AVEN: variants seen among roughly 807,000 people sequenced by gnomAD.
AVEN encodes the protein apoptosis and caspase activation inhibitor, also known as cell death regulator Aven.
A neutral mutation model predicts 38.1 loss-of-function variants in AVEN; 41 were observed. The observed-to-expected ratio is 1.08, with a 90% CI of 0.84 to 1.40. The LOEUF is 1.40. AVEN is among the 40% of genes most tolerant of loss of function. The pLI is 0.00. For missense variants in AVEN, 605 were observed against 438.8 expected (o/e 1.38, Z -3.38); for synonymous variants, 206 against 171.8 (o/e 1.20, Z -1.56).
At chr15:33,992,359 C>T (rs936583139) in intron 2 of AVEN, among the ~76,000 whole-genome samples, 1 of 151,714 alleles carries the variant, frequency 6.6e-6, no homozygotes, top group East Asian at 1.9e-4. Flanking sequence ...CACTGCACTC[C>T]AGCCTGCGCG....
At chr15:34,044,034 C>T (rs114536972), upstream of AVEN, among the ~76,000 whole-genome samples, 2,172 of 151,640 alleles carry the variant, frequency 0.014, 61 homozygotes, top group African/African-American at 0.05. Flanking sequence ...CAGTTGGTAC[C>T]TTCTAATGAA....
chr15:33,963,694 G>A (rs1175969299), intron 2 of AVEN, among the ~76,000 whole-genome samples: 1 of 151,392 alleles, frequency 6.6e-6, no homozygotes, highest in Non-Finnish European at 1.5e-5. Context: ...CTACTCAGGA[G>A]GCTGAAGCAG....
chr15:33,931,130 C>T (rs768915122), intron 2 of AVEN, among the ~76,000 whole-genome samples: 34 of 151,818 alleles, frequency 2.2e-4, no homozygotes, highest in Non-Finnish European at 4.0e-4. Flanking sequence ...ACGATGGATA[C>T]GGCACAAACA....
chr15:33,871,494 G>C (rs1407658088), intron 3 of AVEN, among the ~76,000 whole-genome samples: 1 of 152,074 alleles, frequency 6.6e-6, no homozygotes, highest in Non-Finnish European at 1.5e-5. Context: ...CTTGAACCTG[G>C]GAGGCAGAGG....
intron 1 of AVEN, among the ~76,000 whole-genome samples, chr15:34,030,635 G>A (rs1898743765): frequency 6.6e-6 from 1 of 151,220 alleles, no homozygotes; most frequent in African/African-American, 2.4e-5. Flanking sequence ...GCCTGGTTTG[G>A]GGGGTTTTGT....
At chr15:33,930,553 G>T (rs923668777) in intron 2 of AVEN, among the ~76,000 whole-genome samples, 1 of 152,120 alleles carries the variant, frequency 6.6e-6, no homozygotes, top group Non-Finnish European at 1.5e-5. Flanking sequence ...ACATAAAACA[G>T]CCTACATATA....
downstream of AVEN, chr15:33,864,101 G>C (rs765423729): frequency 1.3e-6 from 2 of 1,532,248 alleles, no homozygotes; most frequent in Admixed American, 1.7e-5. Context: ...CTTGGGTCTT[G>C]ACCAGAGTAT....
At chr15:34,074,577 C>G (rs999172491) in exon 1 of AVEN, among the ~76,000 whole-genome samples, 1 of 152,114 alleles carries the variant, frequency 6.6e-6, no homozygotes, top group Non-Finnish European at 1.5e-5. Flanking sequence ...GTTAAATGTC[C>G]ATCTTCTCCC....
intron 2 of AVEN, among the ~76,000 whole-genome samples, chr15:33,967,216 ATACATGTTCATCTGTCAGTG>A (rs1216075208): frequency 6.6e-6 from 1 of 152,114 alleles, no homozygotes; most frequent in African/African-American, 2.4e-5. Flanking sequence ...CTTCTTTCTC[ATACATGTTCATCTGTCAGTG>A]TTTAAAATTC....
intron 1 of AVEN, among the ~76,000 whole-genome samples, chr15:34,030,271 T>C (rs1898711878): frequency 6.6e-6 from 1 of 152,116 alleles, no homozygotes; most frequent in African/African-American, 2.4e-5. Context: ...AAAAGAACTA[T>C]GAATTCCAAA....
chr15:33,868,534 G>C (rs180919043), intron 4 of AVEN, among the ~76,000 whole-genome samples: 278 of 107,488 alleles, frequency 2.6e-3, no homozygotes, highest in Non-Finnish European at 3.7e-3. Flanking sequence ...AACAGAATGA[G>C]ACTCCGTCTC....
intron 2 of AVEN, among the ~76,000 whole-genome samples, chr15:33,967,771 T>G (rs895079424): frequency 1.3e-5 from 2 of 151,858 alleles, no homozygotes; most frequent in African/African-American, 2.4e-5. Context: ...AATTGACATT[T>G]AAAAATCTAT....
At chr15:33,860,529 CCTTT>C (rs1887798975) in intron 11 of AVEN, 3 of 927,658 alleles carry the variant, frequency 3.2e-6, no homozygotes, top group Non-Finnish European at 4.7e-6. Flanking sequence ...GTAGCTTCTT[CCTTT>C]ATCATTCCTC....
chr15:34,029,170 A>G (rs1898641375), intron 1 of AVEN, among the ~76,000 whole-genome samples: 1 of 152,114 alleles, frequency 6.6e-6, no homozygotes, highest in South Asian at 2.1e-4. Flanking sequence ...GCTGAGGCTC[A>G]AACCTGAACC....
At chr15:34,016,362 C>T (rs1191096006) in intron 1 of AVEN, among the ~76,000 whole-genome samples, 1 of 152,194 alleles carries the variant, frequency 6.6e-6, no homozygotes, top group Non-Finnish European at 1.5e-5. Flanking sequence ...ATGTAGTAAA[C>T]TTACAATACT....
chr15:33,906,074 TA>T (rs1567407448), intron 2 of AVEN, among the ~76,000 whole-genome samples: 1 of 152,078 alleles, frequency 6.6e-6, no homozygotes, highest in Non-Finnish European at 1.5e-5. Context: ...ATTGCCCTAC[TA>T]AAAAAAGGTC....
intron 1 of AVEN, among the ~76,000 whole-genome samples, chr15:34,012,580 C>CA (rs1253894206): frequency 3.3e-5 from 5 of 152,136 alleles, no homozygotes; most frequent in Non-Finnish European, 4.4e-5. Context: ...GTCTCTGTCT[C>CA]AGTTAAATTT....
chr15:33,944,586 G>A (rs1318654677), intron 2 of AVEN, among the ~76,000 whole-genome samples: 1 of 152,136 alleles, frequency 6.6e-6, no homozygotes, highest in Non-Finnish European at 1.5e-5. Flanking sequence ...GAGGCGGGTG[G>A]ATCACGAGGT....
intron 1 of AVEN, among the ~76,000 whole-genome samples, chr15:34,034,398 A>G (rs1355810018): frequency 6.6e-6 from 1 of 151,710 alleles, no homozygotes; most frequent in African/African-American, 2.4e-5. Flanking sequence ...CTTTGCTCAC[A>G]CTACTGCACT....
Sources: allele counts gnomAD v4.1 joint callset (sites outside exome capture counted in the v4.1 genomes callset), GRCh38; gene constraint gnomAD v4.1.1; transcripts MANE v1.5; gene names NCBI Gene and HGNC (gene_info 2026-07-23, HGNC 2026-07-21).